Variants in MYLK observed in about 807,000 individuals in gnomAD.
MYLK encodes myosin light chain kinase.
In MYLK, 106 loss-of-function variants were observed where a neutral mutation model predicts 203.4. The ratio of observed to expected loss-of-function variants is 0.52; its 90% CI spans 0.45 to 0.61. The LOEUF is 0.61. Ranked by LOEUF, MYLK falls within the 20% of genes least tolerant of loss-of-function variation. The pLI is 0.00. For missense variants in MYLK, 2,072 were observed against 2,442.3 expected, an observed-to-expected ratio of 0.85 and a Z score of 3.20; for synonymous variants, 867 against 959.5, an observed-to-expected ratio of 0.90 and a Z score of 1.78.
chr3:123,738,335 C>A (rs1486693327), intron 7 of MYLK, among the ~76,000 whole-genome samples: 1 of 152,138 alleles, frequency 6.6e-6, no homozygotes, highest in African/African-American at 2.4e-5. Flanking sequence ...ATTGTCAGAA[C>A]ACTGTGGTCT....
chr3:123,701,047 A>C (rs2061188438), intron 17 of MYLK, 42 bp from the exon 18 acceptor site: 2 of 1,386,192 alleles, frequency 1.4e-6, no homozygotes, highest in East Asian at 7.6e-5. Context: ...CAGGAGGAAA[A>C]GGGGCTGGGT....
intron 19 of MYLK, among the ~76,000 whole-genome samples, chr3:123,683,049 TGGGC>T (rs2060324465): frequency 1.5e-3 from 2 of 1,378 alleles, no homozygotes; most frequent in Admixed American, 0.083. Context: ...ATCACTTGGC[TGGGC>T]TGGGCTGGGC....
chr3:123,710,140 G>C (rs1436654389), intron 13 of MYLK, among the ~76,000 whole-genome samples: 3 of 152,132 alleles, frequency 2.0e-5, no homozygotes, highest in Non-Finnish European at 4.4e-5. Context: ...TTATAAGTTT[G>C]TGAGTTTTAA....
At chr3:123,674,553 C>T (rs1026875118) in intron 20 of MYLK, among the ~76,000 whole-genome samples, 2 of 152,228 alleles carry the variant, frequency 1.3e-5, no homozygotes, top group African/African-American at 2.4e-5. Context: ...AACCTCAATA[C>T]TCAATATCAG....
intron 23 of MYLK, chr3:123,659,654 T>G (rs774100295): frequency 1.9e-6 from 1 of 517,770 alleles, no homozygotes; most frequent in Non-Finnish European, 3.9e-6. Context: ...ATGAGCCCCA[T>G]GCAGTGGCTG....
chr3:123,795,454 T>C (rs1311914231), intron 3 of MYLK, among the ~76,000 whole-genome samples: 1 of 152,226 alleles, frequency 6.6e-6, no homozygotes, highest in Non-Finnish European at 1.5e-5. Flanking sequence ...GAGTTCTTGA[T>C]TGAAAGCAAG....
chr3:123,785,038 CA>C (rs2064456989), intron 4 of MYLK, among the ~76,000 whole-genome samples: 1 of 152,220 alleles, frequency 6.6e-6, no homozygotes, highest in Admixed American at 6.5e-5. Flanking sequence ...TTCCTTTAAT[CA>C]CCCCGACTTC....
chr3:123,868,163 G>T (rs2032467277), intron 2 of MYLK, among the ~76,000 whole-genome samples: 1 of 152,126 alleles, frequency 6.6e-6, no homozygotes, highest in Non-Finnish European at 1.5e-5. Flanking sequence ...ACCACCAGTG[G>T]GAGAGAGTTC....
chr3:123,731,733 C>G (rs753849368), intron 11 of MYLK, among the ~76,000 whole-genome samples: 15 of 151,660 alleles, frequency 9.9e-5, no homozygotes, highest in Non-Finnish European at 1.3e-4. Flanking sequence ...AAAGCCATAT[C>G]ATTTCACCAG....
At chr3:123,663,335 C>T (rs985977375) in intron 23 of MYLK, among the ~76,000 whole-genome samples, 23 of 152,178 alleles carry the variant, frequency 1.5e-4, no homozygotes, top group South Asian at 1.5e-3. Context: ...TAAGGAAAAT[C>T]GAGTGGAGTC....
At chr3:123,848,146 T>C (rs967323551) in intron 2 of MYLK, among the ~76,000 whole-genome samples, 7 of 152,004 alleles carry the variant, frequency 4.6e-5, no homozygotes, top group African/African-American at 1.7e-4. Context: ...CTAATCCAAA[T>C]TTTAACATAA....
intron 20 of MYLK, among the ~76,000 whole-genome samples, chr3:123,680,449 A>G (rs2060225158): frequency 6.6e-6 from 1 of 152,222 alleles, no homozygotes; most frequent in South Asian, 2.1e-4. Flanking sequence ...ACGGTTTTCC[A>G]TACCAAGTAT....
At chr3:123,811,423 T>C (rs1419328043) in intron 3 of MYLK, among the ~76,000 whole-genome samples, 1 of 152,100 alleles carries the variant, frequency 6.6e-6, no homozygotes, top group Admixed American at 6.5e-5. Context: ...GGAATCCTAT[T>C]GGAGAAAACA....
chr3:123,852,790 C>T (rs1478829031), intron 2 of MYLK, among the ~76,000 whole-genome samples: 1 of 152,040 alleles, frequency 6.6e-6, no homozygotes, highest in Non-Finnish European at 1.5e-5. Flanking sequence ...ACTGCATATG[C>T]TAAAGTATGG....
At chr3:123,848,032 A>C (rs1263017921) in intron 2 of MYLK, among the ~76,000 whole-genome samples, 2 of 152,022 alleles carry the variant, frequency 1.3e-5, no homozygotes, top group African/African-American at 2.4e-5. Flanking sequence ...TCTCTTAACT[A>C]TCAGTTTAAA....
intron 4 of MYLK, among the ~76,000 whole-genome samples, chr3:123,765,250 G>C (rs1043705212): frequency 2.0e-5 from 3 of 152,126 alleles, no homozygotes; most frequent in Non-Finnish European, 4.4e-5. Flanking sequence ...TGTACACCCA[G>C]GTTGGGTGTC....
intron 3 of MYLK, among the ~76,000 whole-genome samples, chr3:123,802,102 G>C (rs1175224637): frequency 1.3e-5 from 2 of 151,842 alleles, no homozygotes; most frequent in Non-Finnish European, 2.9e-5. Flanking sequence ...TTGTTATTTT[G>C]GACTTTTAAA....
rs1199202202 is a variant in MYLK at position 123,700,342 on chromosome 3, C to T, written c.3126G>A (p.Lys1042=). Residue 1042 remains lysine, a synonymous_variant, in exon 18 of 34, where the codon AAG becomes AAA. Coordinates refer to ENST00000360304, the MANE Select transcript of MYLK (RefSeq NM_053025.4). ...AETLKPMGNA[K]PAETLKPMGN... is the part of the protein sequence containing the mutation. Reference sequence around the variant, plus strand: ...CCATGGGCTTCAGGGTCTCGGCAGGCTTGGCGTTGCCCATTGGCTTCAGGG... The same window carrying T: ...CCATGGGCTTCAGGGTCTCGGCAGGTTTGGCGTTGCCCATTGGCTTCAGGG... The T allele has an allele frequency of 2.0e-5, 33 of 1,613,470 alleles. No individual in the cohort carries two copies. The highest frequency in any genetic ancestry group is 2.7e-5 in the Non-Finnish European group (32 of 1,179,858).
At chr3:123,750,704 G>C in intron 5 of MYLK, among the ~76,000 whole-genome samples, 1 of 152,170 alleles carries the variant, frequency 6.6e-6, no homozygotes, top group East Asian at 1.9e-4. Context: ...ACTCAGAAGA[G>C]GGAACAGGGT....
Sources: allele counts gnomAD v4.1 joint callset (sites outside exome capture counted in the v4.1 genomes callset), GRCh38; gene constraint gnomAD v4.1.1; transcripts MANE v1.5; gene names NCBI Gene and HGNC (gene_info 2026-07-23, HGNC 2026-07-21).